The following LSM7 variants were observed in gnomAD, a reference collection of about 807,000 sequenced individuals.
The protein encoded by LSM7 is LSM7 homolog, U6 small nuclear RNA and mRNA degradation associated.
In LSM7, 13 loss-of-function variants were observed where a neutral mutation model predicts 14.1. The ratio of observed to expected loss-of-function variants is 0.92; its 90% CI spans 0.60 to 1.47. The LOEUF (loss-of-function observed/expected upper bound fraction) is 1.47. Among genes scored for constraint, LSM7 ranks in the 40% most tolerant of loss-of-function variants. The pLI is 0.00. For synonymous variants in LSM7, 70 were observed against 57.1 expected (o/e 1.23, Z -1.02); for missense variants, 108 against 140.8 (o/e 0.77, Z 1.18).
intron 2 of LSM7, among the ~76,000 whole-genome samples, chr19:2,325,549 G>A (rs1161192443): frequency 6.6e-6 from 1 of 152,138 alleles, no homozygotes; most frequent in African/African-American, 2.4e-5. Context: ...CCAATCTCGG[G>A]AAGCAGGCAC....
intron 3 of LSM7, among the ~76,000 whole-genome samples, chr19:2,322,317 A>G (rs2145120319): frequency 6.6e-6 from 1 of 152,316 alleles, no homozygotes; most frequent in African/African-American, 2.4e-5. Context: ...AGGCAGGCGG[A>G]TCACGAGGTC....
chr19:2,324,033 C>A, intron 3 of LSM7, 92 bp downstream of exon 3: 1 of 765,706 alleles, frequency 1.3e-6, no homozygotes, highest in Non-Finnish European at 2.0e-6. Context: ...CACGGCTGCC[C>A]CCCTCGTCCC....
chr19:2,327,619 C>G (rs1392273653), intron 2 of LSM7, among the ~76,000 whole-genome samples: 2 of 152,172 alleles, frequency 1.3e-5, no homozygotes, highest in Admixed American at 1.3e-4. Context: ...CTCACTGCAG[C>G]CTCAAACCCT....
rs775150167 is a variant in LSM7 at position 2,324,128 on chromosome 19, G to A, written c.166C>T (p.Arg56Ter). 7.8e-6 allele frequency: 12 copies of A among 1,529,826 alleles called. No homozygotes were observed. The highest frequency in any genetic ancestry group is 2.4e-5 in the South Asian group (2 of 84,652). The allele number at this position is 1,529,826 out of a possible 1,614,324, so 94.8% of individuals were successfully genotyped here. The change falls in exon 3 of 4, where the codon CGA (arginine) becomes TGA (stop). Residue 56 changes from arginine to a stop codon, truncating the protein, a stop_gained. Coordinates refer to ENST00000252622, the MANE Select transcript of LSM7 (RefSeq NM_016199.3). LOFTEE classifies it high-confidence loss of function. ...LVLDGTIEYMRDPDDQYKLTE... is the reference protein window; with the variant it reads ...LVLDGTIEYM ...CCTCGGCCGCCACCCCACTCACCTC[G>A]CATGTACTCAATGGTGCCGTCCAGC...
intron 2 of LSM7, 93 bp from the exon 3 acceptor site, chr19:2,324,289 C>G: frequency 2.0e-6 from 2 of 986,676 alleles, no homozygotes; most frequent in Admixed American, 4.0e-5. Flanking sequence ...ATGGGGCTAA[C>G]TGCTCCAGGG....
chr19:2,324,383 C>A lies in LSM7; in HGVS notation c.98-187G>T, dbSNP rs1599179081. The A allele has an allele frequency of 1.8e-5, 11 of 597,742 alleles. No homozygotes were observed. In the East Asian group the frequency reaches 2.8e-4, roughly 15 times the overall value. 37.0% of individuals were successfully genotyped at this position (597,742 alleles called of 1,614,324 possible). On this transcript the variant is annotated intron_variant, in intron 2 of 3. Transcript: ENST00000252622. The stretch of plus-strand genomic sequence containing the variant: ...AGTGATCTCCACCACAGGCAGCAGA[C>A]CACGTCTGCGGGGGGCCAGATGGCA...
At chr19:2,327,454 G>C (rs762872130) in intron 2 of LSM7, among the ~76,000 whole-genome samples, 29 of 152,132 alleles carry the variant, frequency 1.9e-4, no homozygotes, top group Non-Finnish European at 4.1e-4. Flanking sequence ...CGTAGGCCAG[G>C]ATGGTCTTGA....
intron 2 of LSM7, among the ~76,000 whole-genome samples, chr19:2,325,727 C>T (rs749609237): frequency 1.3e-5 from 2 of 152,264 alleles, no homozygotes; most frequent in Non-Finnish European, 2.9e-5. Context: ...AAGTCAGAGT[C>T]TCGCTGGCCC....
Position 2,321,856 on chromosome 19 carries a change from C to G in LSM7, c.170-34G>C. Reference sequence around the variant, plus strand: ...GAGCAGATAGAGAGGACTGAGGGACCTCCAGGAAGCCTCCGAGACCCCCCA... The same window carrying G: ...GAGCAGATAGAGAGGACTGAGGGACGTCCAGGAAGCCTCCGAGACCCCCCA... On this transcript the variant is annotated intron_variant, in intron 3 of 3. Transcript: ENST00000252622. This position sits in a 1 kb window ranked among gnomAD's most constrained non-coding sequence, Gnocchi z 5.0. The G allele has an allele frequency of 7.3e-7, 1 of 1,375,528 alleles. No homozygotes were observed. The highest frequency in any genetic ancestry group is 9.4e-7 in the Non-Finnish European group (1 of 1,058,768). The allele number at this position is 1,375,528 out of a possible 1,614,324, so 85.2% of individuals were successfully genotyped here.
chr19:2,325,147 T>A (rs2145124313), intron 2 of LSM7, among the ~76,000 whole-genome samples: 1 of 152,280 alleles, frequency 6.6e-6, no homozygotes, highest in South Asian at 2.1e-4. Context: ...CCCTCAAGCT[T>A]CGCCGCCTTG....
At chr19:2,323,258 G>A (rs962951621) in intron 3 of LSM7, among the ~76,000 whole-genome samples, 3 of 152,228 alleles carry the variant, frequency 2.0e-5, no homozygotes, top group East Asian at 1.9e-4. Flanking sequence ...CGTTCATAGC[G>A]GGAATTAACA....
intron 2 of LSM7, chr19:2,324,398 G>A (rs1478252277): frequency 7.0e-6 from 4 of 571,348 alleles, no homozygotes; most frequent in African/African-American, 5.6e-5. Flanking sequence ...TCTGCGGGGG[G>A]CCAGATGGCA....
intron 3 of LSM7, among the ~76,000 whole-genome samples, chr19:2,323,312 C>T (rs1179121521): frequency 6.6e-6 from 1 of 152,198 alleles, no homozygotes; most frequent in Non-Finnish European, 1.5e-5. Context: ...CCACGGCACG[C>T]TCACTACCCC....
At chr19:2,323,682 C>G (rs1222675557) in intron 3 of LSM7, among the ~76,000 whole-genome samples, 2 of 152,110 alleles carry the variant, frequency 1.3e-5, no homozygotes, top group Non-Finnish European at 2.9e-5. Context: ...AAACTCCTGA[C>G]CTCAAGAGAT....
intron 2 of LSM7, among the ~76,000 whole-genome samples, chr19:2,326,826 A>G (rs1968031442): frequency 6.6e-6 from 1 of 152,232 alleles, no homozygotes; most frequent in African/African-American, 2.4e-5. Flanking sequence ...AATATGGACA[A>G]ATGTCAGCTC....
chr19:2,324,671 G>A (rs760482272), intron 2 of LSM7: 20 of 166,376 alleles, frequency 1.2e-4, no homozygotes, highest in Non-Finnish European at 2.1e-4. Context: ...ACGTGTACGC[G>A]GTGGGACCAC....
chr19:2,322,721 A>C (rs1255888687), intron 3 of LSM7, among the ~76,000 whole-genome samples: 1 of 151,982 alleles, frequency 6.6e-6, no homozygotes, highest in African/African-American at 2.4e-5. Flanking sequence ...AGGTTTTTAA[A>C]CTTTTTTTCA....
intron 2 of LSM7, among the ~76,000 whole-genome samples, chr19:2,325,291 C>A (rs1169765871): frequency 6.6e-6 from 1 of 152,094 alleles, no homozygotes; most frequent in Non-Finnish European, 1.5e-5. Flanking sequence ...GAGGCCAGCC[C>A]ACCCTCTCTG....
chr19:2,324,065 C>T (rs987420432), intron 3 of LSM7, 60 bp downstream of exon 3: 20 of 528,196 alleles, frequency 3.8e-5, no homozygotes, highest in Non-Finnish European at 5.5e-5. Flanking sequence ...CGTCCCGCTG[C>T]CCCCCTCACC....
Sources: allele counts gnomAD v4.1 joint callset (sites outside exome capture counted in the v4.1 genomes callset), GRCh38; gene constraint gnomAD v4.1.1; non-coding constraint Gnocchi (gnomAD v3.1); transcripts MANE v1.5; gene names NCBI Gene and HGNC (gene_info 2026-07-23, HGNC 2026-07-21).